AGBL4: variants seen among roughly 807,000 people sequenced by gnomAD.
AGBL4 encodes the protein cytosolic carboxypeptidase 6.
A neutral mutation model predicts 66.4 loss-of-function variants in AGBL4; 58 were observed. The observed-to-expected ratio is 0.87, with a 90% CI of 0.71 to 1.09. The LOEUF (loss-of-function observed/expected upper bound fraction) is 1.09, where lower values mean the gene tolerates loss of function less well. AGBL4 is among the 50% of genes least tolerant of loss of function. The pLI is 0.00. For missense variants in AGBL4, 579 were observed against 631.0 expected (o/e 0.92, Z 0.88); for synonymous variants, 234 against 222.9 (o/e 1.05, Z -0.44).
chr1:49,346,763 A>G (rs1279960626), intron 3 of AGBL4, among the ~76,000 whole-genome samples: 1 of 152,192 alleles, frequency 6.6e-6, no homozygotes, highest in Non-Finnish European at 1.5e-5. Context: ...TCATCCTTCT[A>G]CAACTCTTAG....
chr1:49,196,598 T>C (rs1438449856), intron 4 of AGBL4, among the ~76,000 whole-genome samples: 3 of 152,274 alleles, frequency 2.0e-5, no homozygotes, highest in Non-Finnish European at 4.4e-5. Context: ...CTGTATTACA[T>C]TGATTTCTTC....
intron 4 of AGBL4, among the ~76,000 whole-genome samples, chr1:49,053,113 T>C (rs1450146949): frequency 6.6e-6 from 1 of 152,140 alleles, no homozygotes; most frequent in African/African-American, 2.4e-5. Flanking sequence ...TGATGGATAG[T>C]TGGCATCATG....
At chr1:48,597,873 A>G (rs1252920593) in intron 9 of AGBL4, among the ~76,000 whole-genome samples, 2 of 150,210 alleles carry the variant, frequency 1.3e-5, no homozygotes, top group African/African-American at 4.9e-5. Flanking sequence ...GAAAGGAGAA[A>G]GAAAGAAAAA....
intron 4 of AGBL4, among the ~76,000 whole-genome samples, chr1:49,228,536 C>G (rs1444416691): frequency 6.6e-6 from 1 of 152,132 alleles, no homozygotes; most frequent in Non-Finnish European, 1.5e-5. Flanking sequence ...ATCTAAGAAA[C>G]TTTCCAGGCA....
intron 3 of AGBL4, among the ~76,000 whole-genome samples, chr1:49,683,616 G>A (rs1646736601): frequency 6.6e-6 from 1 of 152,146 alleles, no homozygotes; most frequent in African/African-American, 2.4e-5. Flanking sequence ...GGAAGCTGTG[G>A]GAGAATAGCC....
chr1:49,140,736 A>G (rs959838007), intron 4 of AGBL4, among the ~76,000 whole-genome samples: 3 of 152,244 alleles, frequency 2.0e-5, no homozygotes, highest in Non-Finnish European at 4.4e-5. Flanking sequence ...TAATTGAAAT[A>G]GAATGTGCAG....
At chr1:49,125,197 C>T (rs1227057793) in intron 4 of AGBL4, among the ~76,000 whole-genome samples, 1 of 151,936 alleles carries the variant, frequency 6.6e-6, no homozygotes, top group Non-Finnish European at 1.5e-5. Flanking sequence ...CTGGAAAACA[C>T]AAAAAGGCCT....
intron 2 of AGBL4, among the ~76,000 whole-genome samples, chr1:49,824,289 A>G (rs554934585): frequency 6.6e-6 from 1 of 152,290 alleles, no homozygotes; most frequent in South Asian, 2.1e-4. Flanking sequence ...GAGTCAAAAT[A>G]AAGATATACA....
At chr1:49,684,142 T>C (rs1646746912) in intron 3 of AGBL4, among the ~76,000 whole-genome samples, 1 of 152,164 alleles carries the variant, frequency 6.6e-6, no homozygotes, top group Admixed American at 6.5e-5. Context: ...AGCAAACCAA[T>C]GTCTATAAAG....
downstream of AGBL4, among the ~76,000 whole-genome samples, chr1:48,531,545 G>A (rs1047311682): frequency 6.6e-6 from 1 of 152,100 alleles, no homozygotes; most frequent in African/African-American, 2.4e-5. Context: ...CCAGTGGTTG[G>A]CAATTCAATT....
intron 2 of AGBL4, among the ~76,000 whole-genome samples, chr1:49,699,892 G>A (rs1647054785): frequency 6.6e-6 from 1 of 151,762 alleles, no homozygotes; most frequent in African/African-American, 2.4e-5. Flanking sequence ...GATTGTAGTT[G>A]CTTTTACCAT....
chr1:49,615,902 G>C (rs1645241363), intron 3 of AGBL4, among the ~76,000 whole-genome samples: 1 of 152,028 alleles, frequency 6.6e-6, no homozygotes, highest in Non-Finnish European at 1.5e-5. Context: ...CCCTTAGCTA[G>C]AAAAGAAAAG....
intron 2 of AGBL4, among the ~76,000 whole-genome samples, chr1:49,769,625 C>A (rs1643997611): frequency 6.6e-6 from 1 of 152,062 alleles, no homozygotes; most frequent in Non-Finnish European, 1.5e-5. Context: ...ACACATAGAC[C>A]AATGGAACAG....
Position 49,420,562 on chromosome 1 carries a change from G to A in AGBL4, c.283-174698C>T, listed in dbSNP as rs949369196. 5.9e-5 allele frequency among the ~76,000 whole-genome samples: 9 copies of A among 152,074 alleles called. No individual in the cohort carries two copies. In the East Asian group the frequency reaches 7.8e-4, roughly 13 times the overall value. On this transcript the variant is annotated intron_variant, in intron 3 of 13. Transcript: ENST00000371839. ...AAAAATACAAAAAAATTAGCCAGGC[G>A]TGGTGTTGGGCACCTGCAGTCCCAG...
At chr1:49,427,176 T>C (rs75751066) in intron 3 of AGBL4, among the ~76,000 whole-genome samples, 12,282 of 152,074 alleles carry the variant, frequency 0.081, 700 homozygotes, top group African/African-American at 0.17. Flanking sequence ...ACTTGACATA[T>C]GCAATATATT....
chr1:49,895,098 T>C (rs1235413583), intron 1 of AGBL4, among the ~76,000 whole-genome samples: 1 of 151,774 alleles, frequency 6.6e-6, no homozygotes, highest in Non-Finnish European at 1.5e-5. Flanking sequence ...CAGGAGACAG[T>C]GGCATGACAT....
At chr1:49,937,997 G>T (rs1654285223) in intron 1 of AGBL4, among the ~76,000 whole-genome samples, 1 of 151,452 alleles carries the variant, frequency 6.6e-6, no homozygotes, top group Non-Finnish European at 1.5e-5. Context: ...ACTAAAATCA[G>T]AGCAGAACTG....
intron 2 of AGBL4, among the ~76,000 whole-genome samples, chr1:49,824,889 A>C (rs1645467627): frequency 6.6e-6 from 1 of 152,224 alleles, no homozygotes; most frequent in Non-Finnish European, 1.5e-5. Flanking sequence ...ATGAGGATGC[A>C]CTGAAGATTC....
intron 6 of AGBL4, among the ~76,000 whole-genome samples, chr1:48,857,007 T>C (rs1647183148): frequency 6.6e-6 from 1 of 152,166 alleles, no homozygotes; most frequent in Non-Finnish European, 1.5e-5. Context: ...TAGAATACGA[T>C]TTAGATTTGA....
Sources: allele counts gnomAD v4.1 joint callset (sites outside exome capture counted in the v4.1 genomes callset), GRCh38; gene constraint gnomAD v4.1.1; transcripts MANE v1.5; gene names NCBI Gene and HGNC (gene_info 2026-07-23, HGNC 2026-07-21).